The following USP24 variants were observed in gnomAD, a reference collection of about 807,000 sequenced individuals.
USP24 encodes ubiquitin specific peptidase 24.
USP24 carries 97 observed loss-of-function variants against 361.6 expected under a neutral mutation model. That is an observed-to-expected ratio of 0.27 (90% confidence interval 0.23 to 0.32). The LOEUF is 0.32. Ranked by LOEUF, USP24 falls within the 10% of genes least tolerant of loss-of-function variation. The pLI, the probability that USP24 is intolerant of heterozygous loss-of-function variation, is 1.00. For missense variants in USP24, 2,353 were observed against 3,165.6 expected (o/e 0.74, Z 6.16); for synonymous variants, 1,098 against 1,124.6 (o/e 0.98, Z 0.47).
chr1:55,077,941 T>C (rs1181285108), intron 61 of USP24, among the ~76,000 whole-genome samples: 1 of 152,196 alleles, frequency 6.6e-6, no homozygotes, highest in East Asian at 1.9e-4. Context: ...CCCAAGGTCA[T>C]ATAATTAGTA....
chr1:55,167,094 G>A (rs1211200700), intron 5 of USP24, among the ~76,000 whole-genome samples: 2 of 152,082 alleles, frequency 1.3e-5, no homozygotes, highest in Non-Finnish European at 1.5e-5. Flanking sequence ...CAGTGACTAC[G>A]AAGAGATGTT....
chr1:55,073,983 G>T, intron 63 of USP24, 77 bp from the exon 64 acceptor site: 1 of 1,227,114 alleles, frequency 8.1e-7, no homozygotes, highest in Non-Finnish European at 1.1e-6. Context: ...AAGCTCTCTT[G>T]TTCTAAAAAT....
At chr1:55,186,677 T>C (rs1006878050) in intron 1 of USP24, among the ~76,000 whole-genome samples, 1 of 152,164 alleles carries the variant, frequency 6.6e-6, no homozygotes, top group Non-Finnish European at 1.5e-5. Context: ...AAAACAAATA[T>C]TATATGATTC....
chr1:55,201,557 C>T (rs572389640), intron 1 of USP24, among the ~76,000 whole-genome samples: 8 of 126,246 alleles, frequency 6.3e-5, no homozygotes, highest in Admixed American at 6.2e-4. Flanking sequence ...GCCGAGATCA[C>T]GCTACTGCAC....
chr1:55,068,826 A>G lies in USP24; in HGVS notation c.*219T>C, dbSNP rs1216966954. The G allele has an allele frequency of 3.5e-6, 2 of 570,686 alleles. No individual in the cohort carries two copies. Among genetic ancestry groups the G allele is most frequent in the South Asian group, 2.3e-5 (1 of 43,428 alleles). 35.4% of individuals were successfully genotyped at this position (570,686 alleles called of 1,614,324 possible). ...CACATATAGACCACGCTCCCGGGAC[A>G]GCTGATCCACATGCCGGAGTTCTCC... On this transcript the variant is annotated 3_prime_UTR_variant, in exon 68 of 68. Transcript: ENST00000294383.
chr1:55,182,142 C>T (rs1557679680), intron 1 of USP24, among the ~76,000 whole-genome samples: 1 of 152,228 alleles, frequency 6.6e-6, no homozygotes, highest in African/African-American at 2.4e-5. Context: ...ACTTCCGCTT[C>T]CCGGGTTCAA....
chr1:55,176,449 T>A lies in USP24; in HGVS notation c.491-6A>T. On this transcript the variant is annotated splice_region_variant and splice_polypyrimidine_tract_variant and intron_variant, in intron 2 of 67. Coordinates refer to ENST00000294383, the MANE Select transcript of USP24 (RefSeq NM_015306.3). ...CTCATCAGACTCGGAAAGACCTTAG[T>A]AAAATGCATGAAATAATATACTTTA... The A allele has an allele frequency of 6.4e-7, 1 of 1,563,150 alleles. No homozygotes were observed. Among genetic ancestry groups the A allele is most frequent in the Non-Finnish European group, 8.7e-7 (1 of 1,152,048 alleles).
rs762842386 is a variant in USP24 at position 55,078,530 on chromosome 1, G to A, written c.7314+8C>T. 4 of 1,604,060 alleles carry A rather than the reference G, an allele frequency of 2.5e-6. No individual in the cohort carries two copies. Among genetic ancestry groups the A allele is most frequent in the Non-Finnish European group, 2.6e-6 (3 of 1,175,290 alleles). ...ATCTGGCTATCACTCGTTTAACTGA[G>A]GTCTTACCTTAATGAAATGCAGCAT... On this transcript the variant is annotated splice_region_variant and intron_variant, in intron 61 of 67. Transcript: ENST00000294383.
chr1:55,099,557 C>CA (rs752454981), intron 45 of USP24, among the ~76,000 whole-genome samples: 24 of 139,770 alleles, frequency 1.7e-4, no homozygotes, highest in Admixed American at 4.3e-4. Flanking sequence ...GACTCTGTCT[C>CA]AAAAAAAAAG....
intron 5 of USP24, among the ~76,000 whole-genome samples, chr1:55,170,759 T>C (rs1649359739): frequency 6.6e-6 from 1 of 152,214 alleles, no homozygotes; most frequent in Non-Finnish European, 1.5e-5. Context: ...ACAGTACATA[T>C]TATTATAATT....
chr1:55,143,166 A>G, intron 21 of USP24, 47 bp from the exon 22 acceptor site: 1 of 1,349,730 alleles, frequency 7.4e-7, no homozygotes, highest in South Asian at 1.7e-5. Context: ...TCAAGATCAC[A>G]AAGTTACAAA....
chr1:55,072,065 C>G (rs1192698393), intron 66 of USP24, 141 bp from the exon 67 acceptor site: 5 of 784,920 alleles, frequency 6.4e-6, no homozygotes, highest in African/African-American at 1.7e-5. Context: ...TCACCAGAAC[C>G]CCCTCAACCC....
At chr1:55,164,254 C>G (rs929766094) in intron 7 of USP24, among the ~76,000 whole-genome samples, 2 of 151,782 alleles carry the variant, frequency 1.3e-5, no homozygotes, top group African/African-American at 4.8e-5. Flanking sequence ...AAAGAACATG[C>G]ATAGATTTAT....
intron 32 of USP24, among the ~76,000 whole-genome samples, chr1:55,127,394 A>G (rs1450720651): frequency 1.3e-5 from 2 of 152,212 alleles, no homozygotes; most frequent in African/African-American, 2.4e-5. Flanking sequence ...AAAGGACATG[A>G]ACTCATCCTT....
intron 1 of USP24, among the ~76,000 whole-genome samples, chr1:55,199,450 A>G (rs1644505614): frequency 6.6e-6 from 1 of 152,310 alleles, no homozygotes; most frequent in Middle Eastern, 3.4e-3. Context: ...ATATTAACGT[A>G]TTAATGTTAA....
intron 55 of USP24, chr1:55,086,328 G>A (rs1645250932): frequency 9.9e-6 from 4 of 404,992 alleles, no homozygotes; most frequent in South Asian, 3.3e-5. Context: ...CAGCTCTAGA[G>A]GTACAATCAG....
intron 12 of USP24, 42 bp from the exon 13 acceptor site, chr1:55,154,820 C>T (rs770129730): frequency 8.6e-6 from 13 of 1,510,534 alleles, no homozygotes; most frequent in African/African-American, 5.5e-5. Flanking sequence ...TCTTGGAACT[C>T]GGAACAACCT....
At chr1:55,176,479 A>G in intron 2 of USP24, 36 bp from the exon 3 acceptor site, 1 of 1,531,356 alleles carries the variant, frequency 6.5e-7, no homozygotes, top group Non-Finnish European at 8.9e-7. Flanking sequence ...ACTTTATTTA[A>G]GTCAGACTCA....
rs1416174532 is a variant in USP24 at position 55,068,356 on chromosome 1, A to C, written c.*689T>G. 1 of 152,176 alleles carries C rather than the reference A, an allele frequency of 6.6e-6. No individual in the cohort carries two copies. Among genetic ancestry groups the C allele is most frequent in the African/African-American group, 2.4e-5 (1 of 41,434 alleles). 9.4% of individuals were successfully genotyped at this position (152,176 alleles called of 1,614,324 possible). A position where few individuals can be genotyped will look rare whatever the true frequency, so the allele number is the denominator to read the frequency against. The stretch of plus-strand genomic sequence containing the variant: ...CAGCATTTTCAAAATTGCTCTTTTC[A>C]ATCTAATTATATCAGAAAAATATCT... On this transcript the variant is annotated 3_prime_UTR_variant, in exon 68 of 68. Coordinates refer to ENST00000294383, the MANE Select transcript of USP24 (RefSeq NM_015306.3).
Sources: allele counts gnomAD v4.1 joint callset (sites outside exome capture counted in the v4.1 genomes callset), GRCh38; gene constraint gnomAD v4.1.1; transcripts MANE v1.5; gene names NCBI Gene and HGNC (gene_info 2026-07-23, HGNC 2026-07-21).